CADM1: variants seen among roughly 807,000 people sequenced by gnomAD.
CADM1 encodes TSLC-1.
Under a neutral mutation model 53.1 loss-of-function variants are expected in CADM1, and 15 were observed. The ratio of observed to expected loss-of-function variants is 0.28; its 90% CI spans 0.19 to 0.44. The LOEUF (loss-of-function observed/expected upper bound fraction) is 0.44, where lower values mean the gene tolerates loss of function less well. CADM1 is among the 20% of genes least tolerant of loss of function. The pLI, the probability that CADM1 is intolerant of heterozygous loss-of-function variation, is 1.00. For missense variants in CADM1, 434 were observed against 611.3 expected (o/e 0.71, Z 3.06); for synonymous variants, 281 against 243.0 (o/e 1.16, Z -1.45).
At chr11:115,225,976 A>T (rs1432520344) in intron 5 of CADM1, among the ~76,000 whole-genome samples, 2 of 152,164 alleles carry the variant, frequency 1.3e-5, no homozygotes, top group Admixed American at 1.3e-4. Context: ...AGCATATTTA[A>T]TACCAATAGT....
At chr11:115,380,459 C>T (rs569046033) in intron 1 of CADM1, among the ~76,000 whole-genome samples, 1 of 152,196 alleles carries the variant, frequency 6.6e-6, no homozygotes, top group East Asian at 1.9e-4. Context: ...GAAAATGAAA[C>T]CCTAATGATT....
chr11:115,340,562 G>T (rs9888243), intron 1 of CADM1, among the ~76,000 whole-genome samples: 128,858 of 128,862 alleles, frequency 1, 64,427 homozygotes, highest in Middle Eastern at 1. Flanking sequence ...CGCCATATAA[G>T]GGGGATTTAT....
chr11:115,477,411 A>G lies in CADM1; in HGVS notation c.124+26860T>C, dbSNP rs73583320. On this transcript the variant is annotated intron_variant, in intron 1 of 11. Transcript: ENST00000331581. ...TTATTTCTAAGAAGAGGAATTGCCTATCCAGCTTCATGTAACCAAAGCAGA... is the reference window on the plus strand; with the variant it reads ...TTATTTCTAAGAAGAGGAATTGCCTGTCCAGCTTCATGTAACCAAAGCAGA... 2.2e-3 allele frequency among the ~76,000 whole-genome samples: 340 copies of G among 152,348 alleles called. 1 individual carries two copies. Among genetic ancestry groups the G allele is most frequent in the African/African-American group, 6.6e-3 (275 of 41,592 alleles).
At chr11:115,429,559 C>T (rs1167330730) in intron 1 of CADM1, among the ~76,000 whole-genome samples, 2 of 149,392 alleles carry the variant, frequency 1.3e-5, no homozygotes, top group East Asian at 3.9e-4. Context: ...GAGATCGTGC[C>T]ATTGCGCTCC....
chr11:115,284,114 C>CAATCTCTCTCTCTCTCTGTG, intron 1 of CADM1, among the ~76,000 whole-genome samples: 1 of 98,690 alleles, frequency 1.0e-5, no homozygotes, highest in African/African-American at 3.8e-5. Flanking sequence ...CTCTCTCTCT[C>CAATCTCTCTCTCTCTCTGTG]TGTGTGTGTG....
chr11:115,284,122 G>C (rs1270805075), intron 1 of CADM1, among the ~76,000 whole-genome samples: 4,826 of 35,146 alleles, frequency 0.14, 126 homozygotes, highest in Admixed American at 0.27. Flanking sequence ...CTCTGTGTGT[G>C]TGTGTGTGTG....
chr11:115,292,485 T>C (rs1300600472), intron 1 of CADM1, among the ~76,000 whole-genome samples: 1 of 152,200 alleles, frequency 6.6e-6, no homozygotes, highest in Non-Finnish European at 1.5e-5. Flanking sequence ...CACATCCTTA[T>C]CTGAGGCCAA....
At chr11:115,434,248 G>A (rs1948126837) in intron 1 of CADM1, among the ~76,000 whole-genome samples, 2 of 152,102 alleles carry the variant, frequency 1.3e-5, no homozygotes, top group African/African-American at 4.8e-5. Context: ...GCTTGATTAA[G>A]ACACAGGTTG....
chr11:115,461,724 G>A (rs996672799), intron 1 of CADM1, among the ~76,000 whole-genome samples: 2 of 152,154 alleles, frequency 1.3e-5, no homozygotes, highest in African/African-American at 4.8e-5. Context: ...TCTAATTTGG[G>A]GTTTTGTATT....
chr11:115,340,645 TATA>T lies in CADM1; in HGVS notation c.125-100228_125-100226del, dbSNP rs1423499729. On this transcript the variant is annotated intron_variant, in intron 1 of 11. Coordinates refer to ENST00000331581, the MANE Select transcript of CADM1 (RefSeq NM_001301043.2). ...TAAATATTATATATATATATATATATATATATATATATATTTTTTTTTTTTTTT... is the reference window on the plus strand; with the variant it reads ...TAAATATTATATATATATATATATATTATATATATATTTTTTTTTTTTTTT... 7.5e-3 allele frequency among the ~76,000 whole-genome samples: 261 copies of T among 35,020 alleles called. 1 individual carries two copies. Among genetic ancestry groups the T allele is most frequent in the East Asian group, 0.016 (30 of 1,918 alleles). 23.0% of individuals were successfully genotyped at this position (35,020 alleles called of 152,430 possible).
At chr11:115,239,037 C>G (rs1942118051) in intron 2 of CADM1, among the ~76,000 whole-genome samples, 1 of 152,032 alleles carries the variant, frequency 6.6e-6, no homozygotes, top group Non-Finnish European at 1.5e-5. Flanking sequence ...TCATGAGTCC[C>G]CTGAAGCAGG....
chr11:115,257,757 A>G (rs1368145473), intron 1 of CADM1, among the ~76,000 whole-genome samples: 1 of 152,240 alleles, frequency 6.6e-6, no homozygotes, highest in East Asian at 1.9e-4. Flanking sequence ...TTTGAACCTT[A>G]GCTCTATGCC....
intron 1 of CADM1, among the ~76,000 whole-genome samples, chr11:115,356,902 T>G (rs1011119573): frequency 6.6e-6 from 1 of 152,214 alleles, no homozygotes; most frequent in Non-Finnish European, 1.5e-5. Flanking sequence ...TATTCTACAA[T>G]TCTTATAAGA....
Position 115,200,510 on chromosome 11 carries a change from T to C in CADM1, c.1079-2072A>G, listed in dbSNP as rs184132649. Reference sequence around the variant, plus strand: ...GTGCTTTCTTTTCTTTTCTTTTTTTTTTGAGATGGAGTTTCGCTCTTGTTG... The same window carrying C: ...GTGCTTTCTTTTCTTTTCTTTTTTTCTTGAGATGGAGTTTCGCTCTTGTTG... On this transcript the variant is annotated intron_variant, in intron 8 of 11. Coordinates refer to ENST00000331581, the MANE Select transcript of CADM1 (RefSeq NM_001301043.2). Among the ~76,000 whole-genome samples the C allele has an allele frequency of 7.9e-5, 12 of 152,346 alleles. No homozygotes were observed. The East Asian group carries it at 2.3e-3, about 29-fold the overall frequency.
At chr11:115,438,488 A>G (rs887939178) in intron 1 of CADM1, among the ~76,000 whole-genome samples, 4 of 152,226 alleles carry the variant, frequency 2.6e-5, no homozygotes, top group African/African-American at 9.6e-5. Context: ...GAAACAAATC[A>G]GACAGTCAGA....
intron 10 of CADM1, among the ~76,000 whole-genome samples, chr11:115,182,664 G>C (rs1408267822): frequency 1.3e-5 from 2 of 152,136 alleles, no homozygotes; most frequent in African/African-American, 4.8e-5. Flanking sequence ...AGAAAGCTTG[G>C]TGTCCTTTTG....
chr11:115,313,007 C>CTT (rs941194817), intron 1 of CADM1, among the ~76,000 whole-genome samples: 4 of 151,478 alleles, frequency 2.6e-5, no homozygotes, highest in African/African-American at 9.7e-5. Flanking sequence ...TTTTTAGATC[C>CTT]TTGGAGAAAA....
In CADM1 at chr11:115,176,370, C is replaced by A; in HGVS notation, c.*104G>T. 6.3e-7 allele frequency: 1 copy of A among 1,597,122 alleles called. No homozygotes were observed. The highest frequency in any genetic ancestry group is 8.5e-7 in the Non-Finnish European group (1 of 1,169,610). ...CTTCCCAGTCTCACACCTTTCCACCCATTCATAAAAAAACACACGAATTTC... is the reference window on the plus strand; with the variant it reads ...CTTCCCAGTCTCACACCTTTCCACCAATTCATAAAAAAACACACGAATTTC... On this transcript the variant is annotated 3_prime_UTR_variant, in exon 12 of 12. Coordinates refer to ENST00000331581, the MANE Select transcript of CADM1 (RefSeq NM_001301043.2).
At chr11:115,393,088 AAAG>A (rs1946884225) in intron 1 of CADM1, among the ~76,000 whole-genome samples, 1 of 150,652 alleles carries the variant, frequency 6.6e-6, no homozygotes, top group African/African-American at 2.4e-5. Context: ...AAAAAAAAAA[AAAG>A]GAGAAATAGC....
Sources: allele counts gnomAD v4.1 joint callset (sites outside exome capture counted in the v4.1 genomes callset), GRCh38; gene constraint gnomAD v4.1.1; transcripts MANE v1.5; gene names NCBI Gene and HGNC (gene_info 2026-07-23, HGNC 2026-07-21).